Variants in PUS10 observed in about 807,000 individuals in gnomAD.
PUS10 encodes the protein pseudouridine synthase 10.
Under a neutral mutation model 75.0 loss-of-function variants are expected in PUS10, and 59 were observed. The ratio of observed to expected loss-of-function variants is 0.79; its 90% CI spans 0.64 to 0.98. The LOEUF (loss-of-function observed/expected upper bound fraction) is 0.98. Ranked by LOEUF, PUS10 falls within the 50% of genes least tolerant of loss-of-function variation. The probability of loss-of-function intolerance (pLI) is 0.00; values close to 1 mark genes in which losing one functional copy is unlikely to be tolerated. For synonymous variants in PUS10, 219 were observed against 211.6 expected (o/e 1.03, Z -0.30); for missense variants, 650 against 614.4 (o/e 1.06, Z -0.61).
At chr2:60,988,285 T>G (rs1431284898) in intron 4 of PUS10, among the ~76,000 whole-genome samples, 1 of 152,166 alleles carries the variant, frequency 6.6e-6, no homozygotes, top group East Asian at 1.9e-4. Context: ...GGGTCACTGT[T>G]AGGTGTAAAT....
intron 4 of PUS10, among the ~76,000 whole-genome samples, chr2:60,973,494 T>C (rs1431338520): frequency 6.6e-6 from 1 of 152,238 alleles, no homozygotes; most frequent in Non-Finnish European, 1.5e-5. Context: ...GCCAGGTGTG[T>C]GCACACTCAT....
chr2:61,010,552 C>T, intron 2 of PUS10: 1 of 348,902 alleles, frequency 2.9e-6, no homozygotes, highest in Non-Finnish European at 5.4e-6. Context: ...GTCTTGAACC[C>T]CTGACCTCGT....
intron 8 of PUS10, among the ~76,000 whole-genome samples, chr2:60,963,952 C>T (rs887532843): frequency 1.3e-5 from 2 of 152,304 alleles, no homozygotes; most frequent in Middle Eastern, 3.4e-3. Context: ...AATGTAGATA[C>T]ATCTTACAGG....
chr2:60,960,520 G>T lies in PUS10; in HGVS notation c.875-3C>A. 6.4e-7 allele frequency: 1 copy of T among 1,568,068 alleles called. No homozygotes were observed. Among genetic ancestry groups the T allele is most frequent in the South Asian group, 1.2e-5 (1 of 82,482 alleles). ...CCTGGAGTATTTATTATATCTCCCT[G>T]AGAAAGAAATAATCAGATAGCCTGG... is the stretch of plus-strand genomic sequence containing the variant. On this transcript the variant is annotated splice_polypyrimidine_tract_variant and splice_region_variant and intron_variant, in intron 10 of 17. Coordinates refer to ENST00000316752, the MANE Select transcript of PUS10 (RefSeq NM_144709.4).
intron 4 of PUS10, among the ~76,000 whole-genome samples, chr2:60,988,303 T>C (rs1677850374): frequency 6.6e-6 from 1 of 152,144 alleles, no homozygotes; most frequent in Non-Finnish European, 1.5e-5. Flanking sequence ...AATTCTAATA[T>C]TAATTGCCAA....
At chr2:60,953,837 T>C (rs1486987382) in intron 14 of PUS10, 96 bp downstream of exon 14, 5 of 901,476 alleles carry the variant, frequency 5.5e-6, no homozygotes, top group African/African-American at 1.7e-5. Context: ...TTGTTAAGAG[T>C]TCTTTATATA....
intron 14 of PUS10, among the ~76,000 whole-genome samples, chr2:60,953,620 G>C (rs746355348): frequency 1.3e-5 from 2 of 152,238 alleles, no homozygotes; most frequent in Middle Eastern, 6.8e-3. Context: ...TTGCTATTGT[G>C]AATAATGCTA....
chr2:61,006,682 G>C, intron 3 of PUS10, 39 bp from the exon 4 acceptor site: 1 of 1,487,928 alleles, frequency 6.7e-7, no homozygotes, highest in Non-Finnish European at 9.3e-7. Flanking sequence ...CCCAGGAATT[G>C]CTGAAAATAT....
At chr2:61,016,455 T>C (rs1679984253) in intron 1 of PUS10, among the ~76,000 whole-genome samples, 1 of 152,236 alleles carries the variant, frequency 6.6e-6, no homozygotes, top group Non-Finnish European at 1.5e-5. Context: ...TAGAAATCGG[T>C]TGTCCATATT....
At chr2:60,993,918 T>C (rs1042881264) in intron 4 of PUS10, among the ~76,000 whole-genome samples, 5 of 151,862 alleles carry the variant, frequency 3.3e-5, no homozygotes, top group African/African-American at 1.2e-4. Context: ...GCCTCCCGAG[T>C]AGCTGGGACT....
chr2:60,981,571 C>T (rs777084230), intron 4 of PUS10, among the ~76,000 whole-genome samples: 2 of 152,156 alleles, frequency 1.3e-5, no homozygotes, highest in African/African-American at 2.4e-5. Flanking sequence ...CGTGAGCCAC[C>T]GTGCCTGGCC....
chr2:61,017,264 G>A (rs1419192071), intron 1 of PUS10: 1 of 152,814 alleles, frequency 6.5e-6, no homozygotes, highest in Non-Finnish European at 1.5e-5. Flanking sequence ...TCTGTTCCCC[G>A]AGGAAACGTG....
At chr2:60,960,112 A>C (rs1485877774) in intron 11 of PUS10, among the ~76,000 whole-genome samples, 1 of 135,304 alleles carries the variant, frequency 7.4e-6, no homozygotes, top group Non-Finnish European at 1.5e-5. Flanking sequence ...AGCCTGGGAG[A>C]TTGAGGCTGC....
intron 4 of PUS10, among the ~76,000 whole-genome samples, chr2:61,003,593 A>G (rs1215438452): frequency 6.7e-6 from 1 of 149,984 alleles, no homozygotes; most frequent in Non-Finnish European, 1.5e-5. Context: ...CACCCAGGCT[A>G]GAGTACAGTG....
Position 60,992,998 on chromosome 2 carries a change from G to A in PUS10, c.468+13559C>T, listed in dbSNP as rs146793927. Reference sequence around the variant, plus strand: ...TAAAAAACTAGCCCTCTGCAAGTACGTGCTGAGCACTCTTGCCCTGGCTCT... The same window carrying A: ...TAAAAAACTAGCCCTCTGCAAGTACATGCTGAGCACTCTTGCCCTGGCTCT... On this transcript the variant is annotated intron_variant, in intron 4 of 17. Transcript: ENST00000316752. 2.0e-3 allele frequency among the ~76,000 whole-genome samples: 308 copies of A among 152,284 alleles called. 1 individual carries two copies. Among genetic ancestry groups the A allele is most frequent in the Non-Finnish European group, 3.2e-3 (216 of 68,024 alleles).
In PUS10 at chr2:60,961,489, C is replaced by T. The variant is rs764261252; in HGVS notation, c.848G>A (p.Cys283Tyr). ...AGCCACAAAAACAGCACCATGAGCA[C>T]ATTCAATTTCAAGAACAGCGCATAC... is the stretch of plus-strand genomic sequence containing the variant. Reference protein sequence around the residue: ...KAVCAVLEIECAHGAVFVAGR... With the variant: ...KAVCAVLEIEYAHGAVFVAGR... Residue 283 changes from cysteine to tyrosine, a missense_variant, in exon 10 of 18, where the codon TGT becomes TAT. By Grantham distance (194) the Cys-to-Tyr change is radical (BLOSUM62 -2). Coordinates refer to ENST00000316752, the MANE Select transcript of PUS10 (RefSeq NM_144709.4). The T allele has an allele frequency of 2.5e-6, 4 of 1,614,044 alleles. 1 individual carries two copies. The highest frequency in any genetic ancestry group is 2.2e-5 in the South Asian group (2 of 91,074).
intron 1 of PUS10, among the ~76,000 whole-genome samples, chr2:61,014,069 CAT>C (rs943780032): frequency 1.6e-4 from 24 of 151,492 alleles, no homozygotes; most frequent in Admixed American, 1.6e-3. Context: ...CTGCCCCTTT[CAT>C]GAGTAAAACC....
chr2:61,017,519 G>T, intron 1 of PUS10: 2 of 502,736 alleles, frequency 4.0e-6, no homozygotes, highest in South Asian at 5.5e-5. Flanking sequence ...TTTACCCTGA[G>T]GTTTAGAAAG....
At chr2:60,967,418 TTTGGCTAACC>T (rs1427634086) in intron 6 of PUS10, 74 bp downstream of exon 6, 1 of 912,190 alleles carries the variant, frequency 1.1e-6, no homozygotes, top group Non-Finnish European at 1.7e-6. Context: ...AAGAAGTTTT[TTTGGCTAACC>T]AAAACCCTGC....
Sources: gnomAD v4.1 joint callset for allele counts (sites outside exome capture counted in the v4.1 genomes callset) on GRCh38, gnomAD v4.1.1 for gene constraint, MANE v1.5 for transcripts, NCBI Gene and HGNC (gene_info 2026-07-23, HGNC 2026-07-21) for gene names.